CCDC102B: variants seen among roughly 807,000 people sequenced by gnomAD.
CCDC102B encodes the protein coiled-coil domain-containing protein 102B.
In CCDC102B, 75 loss-of-function variants were observed where a neutral mutation model predicts 57.4. The observed-to-expected ratio is 1.31, with a 90% confidence interval of 1.08 to 1.58. The LOEUF is 1.58. Ranked by LOEUF, CCDC102B falls within the 40% of genes most tolerant of loss-of-function variation. The pLI, the probability that CCDC102B is intolerant of heterozygous loss-of-function variation, is 0.00. For missense variants in CCDC102B, 636 were observed against 582.6 expected, an observed-to-expected ratio of 1.09 and a Z score of -0.94; for synonymous variants, 206 against 201.9, an observed-to-expected ratio of 1.02 and a Z score of -0.17.
chr18:68,790,404 C>T (rs1314210633), intron 2 of CCDC102B, among the ~76,000 whole-genome samples: 1 of 151,990 alleles, frequency 6.6e-6, no homozygotes, highest in Non-Finnish European at 1.5e-5. Context: ...CAAGCCTGGG[C>T]AATGGCGGGC....
chr18:68,897,323 G>A lies in CCDC102B; in HGVS notation c.1158G>A (p.Gln386=). The change falls in exon 6 of 8, where the codon CAG becomes CAA. Residue 386 remains glutamine (Q), a synonymous_variant. Transcript: ENST00000360242. ...LERENRRLKI[Q]VKEMEELLDK... Reference sequence around the variant, plus strand: ...GAGAAAATAGAAGGCTGAAGATCCAGGTGAAAGAAATGGAAGAGCTTTTGG... The same window carrying A: ...GAGAAAATAGAAGGCTGAAGATCCAAGTGAAAGAAATGGAAGAGCTTTTGG... 4.3e-6 allele frequency: 7 copies of A among 1,613,132 alleles called. No individual in the cohort carries two copies. Among genetic ancestry groups the A allele is most frequent in the Non-Finnish European group, 5.9e-6 (7 of 1,179,330 alleles).
chr18:68,878,131 C>T (rs1332214833), intron 5 of CCDC102B, among the ~76,000 whole-genome samples: 1 of 152,204 alleles, frequency 6.6e-6, no homozygotes, highest in African/African-American at 2.4e-5. Flanking sequence ...GGGTCTCACT[C>T]TGTCACCTAA....
At chr18:68,846,778 A>G (rs2037886589) in intron 4 of CCDC102B, among the ~76,000 whole-genome samples, 1 of 151,808 alleles carries the variant, frequency 6.6e-6, no homozygotes, top group Non-Finnish European at 1.5e-5. Context: ...TTCTAGGCAC[A>G]TTAGAGGGGA....
chr18:68,945,279 G>A (rs189939129), intron 6 of CCDC102B, among the ~76,000 whole-genome samples: 61 of 152,004 alleles, frequency 4.0e-4, no homozygotes, highest in Non-Finnish European at 8.2e-4. Context: ...AAGACACTCA[G>A]TAACTACTGA....
chr18:69,019,875 G>A (rs1489521938), intron 7 of CCDC102B, among the ~76,000 whole-genome samples: 4 of 151,898 alleles, frequency 2.6e-5, no homozygotes, highest in Non-Finnish European at 4.4e-5. Context: ...ATTGTGCTTG[G>A]GCAAGTTTCT....
chr18:68,717,748 AT>A (rs1043438392), intron 2 of CCDC102B, among the ~76,000 whole-genome samples: 5 of 151,952 alleles, frequency 3.3e-5, no homozygotes, highest in Non-Finnish European at 7.3e-5. Flanking sequence ...TTTTGACAAC[AT>A]TTTTTAAAAG....
At chr18:68,814,704 C>T (rs1285236299) in intron 1 of CCDC102B, among the ~76,000 whole-genome samples, 7 of 151,734 alleles carry the variant, frequency 4.6e-5, no homozygotes, top group Admixed American at 3.9e-4. Context: ...GAAATAATAT[C>T]GATAAGAATA....
chr18:68,922,185 A>G (rs1665041662), intron 6 of CCDC102B, among the ~76,000 whole-genome samples: 1 of 152,144 alleles, frequency 6.6e-6, no homozygotes, highest in Non-Finnish European at 1.5e-5. Context: ...TATGGCTCAT[A>G]TGCACTGCTC....
At chr18:68,903,102 AGG>A (rs1488247558) in intron 6 of CCDC102B, among the ~76,000 whole-genome samples, 3 of 152,202 alleles carry the variant, frequency 2.0e-5, no homozygotes, top group African/African-American at 7.2e-5. Context: ...GAGGGAAGCT[AGG>A]CTCTAGAAGT....
At chr18:68,753,729 CA>C (rs1203438679) in intron 2 of CCDC102B, 2,611 of 140,534 alleles carry the variant, frequency 0.019, 70 homozygotes, top group African/African-American at 0.062. Flanking sequence ...TATTATTTTA[CA>C]AAAAAAAAAA....
chr18:68,774,806 CTCT>C (rs1429788392), intron 2 of CCDC102B, among the ~76,000 whole-genome samples: 2 of 151,646 alleles, frequency 1.3e-5, no homozygotes, highest in South Asian at 4.2e-4. Context: ...CTATTCTTTA[CTCT>C]TCATTTAATA....
At chr18:68,761,009 C>A (rs976369013) in intron 2 of CCDC102B, among the ~76,000 whole-genome samples, 1 of 152,004 alleles carries the variant, frequency 6.6e-6, no homozygotes, top group Non-Finnish European at 1.5e-5. Context: ...TTATTTCTGA[C>A]CAATGAATAC....
chr18:68,835,758 A>G (rs977048109), intron 1 of CCDC102B, among the ~76,000 whole-genome samples: 2 of 152,198 alleles, frequency 1.3e-5, no homozygotes, highest in African/African-American at 4.8e-5. Context: ...GAATGTTATG[A>G]GAAGGCTGTT....
chr18:68,857,040 TAATATATAATATATA>T (rs1185844725), intron 4 of CCDC102B, among the ~76,000 whole-genome samples: 3 of 127,268 alleles, frequency 2.4e-5, no homozygotes, highest in African/African-American at 8.9e-5. Flanking sequence ...TATTTATATA[TAATATATAATATATA>T]AATATATTTT....
chr18:69,010,016 C>T (rs551854664), intron 6 of CCDC102B, among the ~76,000 whole-genome samples: 1 of 136,086 alleles, frequency 7.3e-6, no homozygotes, highest in South Asian at 2.5e-4. Context: ...ACTGCAAGCT[C>T]CAGCTCCCGG....
At chr18:68,919,361 AC>A (rs2041193293) in intron 6 of CCDC102B, among the ~76,000 whole-genome samples, 2 of 152,276 alleles carry the variant, frequency 1.3e-5, no homozygotes, top group South Asian at 4.1e-4. Context: ...CCAGGCTTTA[AC>A]ATGGTAATAC....
intron 6 of CCDC102B, among the ~76,000 whole-genome samples, chr18:68,932,370 T>C (rs2041704440): frequency 6.6e-6 from 1 of 151,916 alleles, no homozygotes; most frequent in Non-Finnish European, 1.5e-5. Context: ...TTTGTATAGA[T>C]ATAAGTCATT....
In CCDC102B at chr18:68,874,210, G is replaced by GTA. The variant is rs1161747169; in HGVS notation, c.937-458_937-457insAT. Among the ~76,000 whole-genome samples, 592 of 126,828 alleles carry GTA rather than the reference G, an allele frequency of 4.7e-3. 5 individuals carry two copies. Among genetic ancestry groups the GTA allele is most frequent in the African/African-American group, 0.017 (564 of 34,020 alleles). The allele number at this position is 126,828 out of a possible 152,430, so 83.2% of individuals were successfully genotyped here. A position where few individuals can be genotyped will look rare whatever the true frequency, so the allele number is the denominator to read the frequency against. ...TGTGTGTGTGTGTGTGTGTGTGTGTGTGTATATATATATACTTTATTTCCA... is the reference window on the plus strand; with the variant it reads ...TGTGTGTGTGTGTGTGTGTGTGTGTGTATGTATATATATATACTTTATTTCCA... On this transcript the variant is annotated intron_variant, in intron 4 of 7. Transcript: ENST00000360242.
At chr18:68,791,090 T>C (rs985781091) in intron 2 of CCDC102B, among the ~76,000 whole-genome samples, 3 of 152,220 alleles carry the variant, frequency 2.0e-5, no homozygotes, top group Non-Finnish European at 4.4e-5. Flanking sequence ...GGTGGTTCAA[T>C]ATTGCTGCCA....
Sources: allele counts gnomAD v4.1 joint callset (sites outside exome capture counted in the v4.1 genomes callset), GRCh38; gene constraint gnomAD v4.1.1; transcripts MANE v1.5; gene names NCBI Gene and HGNC (gene_info 2026-07-23, HGNC 2026-07-21).